The following KIF21B variants were observed in gnomAD, a reference collection of about 807,000 sequenced individuals.
KIF21B encodes kinesin-like protein KIF21B.
A neutral mutation model predicts 192.9 loss-of-function variants in KIF21B; 85 were observed. That is an observed-to-expected ratio of 0.44 (90% CI 0.37 to 0.53). The LOEUF (loss-of-function observed/expected upper bound fraction) is 0.53, where lower values mean the gene tolerates loss of function less well. Among genes scored for constraint, KIF21B ranks in the 20% least tolerant of loss-of-function variants. KIF21B has a pLI of 0.00. For missense variants in KIF21B, 1,716 were observed against 2,194.8 expected, an observed-to-expected ratio of 0.78 and a Z score of 4.36; for synonymous variants, 832 against 884.6, an observed-to-expected ratio of 0.94 and a Z score of 1.05.
At chr1:201,007,817 C>A (rs939611446) in intron 3 of KIF21B, among the ~76,000 whole-genome samples, 3 of 151,814 alleles carry the variant, frequency 2.0e-5, no homozygotes, top group African/African-American at 7.3e-5. Flanking sequence ...CATAGACACA[C>A]AAGACACAGA....
Position 201,008,807 on chromosome 1 carries a change from C to T in KIF21B, c.409G>A (p.Ala137Thr). Reference protein sequence around the residue: ...RKRRAQEQGVAGPEFKVSAQF... With the variant: ...RKRRAQEQGVTGPEFKVSAQF... ...GCGCTGACTTTGAACTCAGGTCCAG[C>T]CACGCCCTGCTCCTGTGCCCGGCGC... Residue 137 changes from alanine (A) to threonine (T), a missense_variant, in exon 3 of 35, where the codon GCT (alanine) becomes ACT (threonine). This residue lies in a region of KIF21B where 1,087 missense variants were observed against 1,316.6 expected (regional missense o/e 0.83). Coordinates refer to ENST00000461742, the MANE Select transcript of KIF21B (RefSeq NM_001252102.2). 8 of 1,604,804 alleles carry T rather than the reference C, an allele frequency of 5.0e-6. No individual in the cohort carries two copies. Among genetic ancestry groups the T allele is most frequent in the Non-Finnish European group, 5.9e-6 (7 of 1,179,808 alleles).
intron 3 of KIF21B, 131 bp from the exon 4 acceptor site, chr1:201,005,825 TC>T: frequency 1.1e-6 from 1 of 927,344 alleles, no homozygotes; most frequent in Non-Finnish European, 1.6e-6. Flanking sequence ...GGGTTTTGAA[TC>T]CCATGACCTT....
At chr1:201,018,483 C>T (rs2102482525) in intron 1 of KIF21B, among the ~76,000 whole-genome samples, 1 of 152,350 alleles carries the variant, frequency 6.6e-6, no homozygotes, top group African/African-American at 2.4e-5. Flanking sequence ...TGTGCCTTTC[C>T]ATTTTCACTT....
At chr1:200,992,438 G>A in intron 15 of KIF21B, 49 bp from the exon 16 acceptor site, 1 of 1,585,038 alleles carries the variant, frequency 6.3e-7, no homozygotes, top group Non-Finnish European at 8.6e-7. Flanking sequence ...GGAGGCAGGT[G>A]GCCCACACTC....
At chr1:200,989,748 C>T (rs1656553252) in intron 21 of KIF21B, among the ~76,000 whole-genome samples, 194 bp downstream of exon 21, 1 of 152,242 alleles carries the variant, frequency 6.6e-6, no homozygotes, top group African/African-American at 2.4e-5. Context: ...AGCCATGCAA[C>T]AAGCTACAAG....
Position 200,990,981 on chromosome 1 carries a change from G to C in KIF21B, c.2623C>G (p.Arg875Gly). The change falls in exon 18 of 35, where the codon CGC becomes GGC. Residue 875 changes from arginine (R) to glycine (G), a missense_variant. By Grantham distance (125) the Arg-to-Gly change is moderately radical (BLOSUM62 -2). This residue lies in a region of KIF21B where 1,087 missense variants were observed against 1,316.6 expected (regional missense o/e 0.83). Transcript: ENST00000461742. This position sits in a 1 kb window ranked among gnomAD's most constrained non-coding sequence, Gnocchi z 5.4. ...TCCCCCAAGAAGTGGTTGATTTTGC[G>C]GTTCCACTGGCGCACGATGCTGGAG... ...SVSSIVRQWN[R>G]KINHFLGDHP... The C allele has an allele frequency of 6.2e-7, 1 of 1,614,174 alleles. No homozygotes were observed. Among genetic ancestry groups the C allele is most frequent in the East Asian group, 2.2e-5 (1 of 44,890 alleles).
At position 200,972,466 on chromosome 1, in the gene KIF21B, G is replaced by A. The variant is rs141800771; in HGVS notation, c.*1055C>T. 945 of 152,442 alleles carry A rather than the reference G, an allele frequency of 6.2e-3. 12 individuals carry two copies. Among genetic ancestry groups the A allele is most frequent in the Non-Finnish European group, 5.2e-3 (351 of 68,042 alleles). 9.4% of individuals were successfully genotyped at this position (152,442 alleles called of 1,614,324 possible). On this transcript the variant is annotated 3_prime_UTR_variant, in exon 35 of 35. Transcript: ENST00000461742. ...ACGCAGGACTGTGGGGCAGAACCCC[G>A]GGGCCTGGGCTGTGGGGTGAGCGCC...
intron 1 of KIF21B, among the ~76,000 whole-genome samples, chr1:201,021,274 T>C (rs1658804040): frequency 6.6e-6 from 1 of 152,238 alleles, no homozygotes; most frequent in Non-Finnish European, 1.5e-5. Flanking sequence ...CATTGTCTGC[T>C]GTACACGGCC....
chr1:200,984,564 C>T (rs1446699248), intron 27 of KIF21B, among the ~76,000 whole-genome samples: 1 of 152,208 alleles, frequency 6.6e-6, no homozygotes, highest in African/African-American at 2.4e-5. Flanking sequence ...CTGGAGAGCC[C>T]TCAGGCACCG....
chr1:200,999,844 G>T lies in KIF21B; in HGVS notation c.1767+39C>A. The T allele has an allele frequency of 6.2e-7, 1 of 1,602,628 alleles. No individual in the cohort carries two copies. The highest frequency in any genetic ancestry group is 1.1e-5 in the South Asian group (1 of 90,910). On this transcript the variant is annotated intron_variant, in intron 12 of 34. Transcript: ENST00000461742. The surrounding 1 kb of genome is among the most constrained non-coding windows in gnomAD (Gnocchi z 4.7). ...CCGCCAACCCCAGCAGGGACACAAG[G>T]CATGCATGTGGTGAGGTGGGGCGGC...
At chr1:201,004,015 G>A (rs1003027935) in intron 7 of KIF21B, among the ~76,000 whole-genome samples, 1 of 152,210 alleles carries the variant, frequency 6.6e-6, no homozygotes, top group Non-Finnish European at 1.5e-5. Flanking sequence ...GGGAGGTGGT[G>A]ATGCATAATT....
Position 200,990,691 on chromosome 1 carries a change from C to T in KIF21B, c.2720G>A (p.Ser907Asn). ...KKFQKKGASQ[S>N]FSKAARLKWQ... ...CTTGAGCCTTGCCGCCTTACTGAAG[C>T]TCTGGCTGGCCCCCTTCTTCTGGAA... Residue 907 changes from serine to asparagine, a missense_variant, in exon 19 of 35, where the codon AGC (serine) becomes AAC (asparagine). This residue lies in a region of KIF21B where 1,087 missense variants were observed against 1,316.6 expected (regional missense o/e 0.83). Coordinates refer to ENST00000461742, the MANE Select transcript of KIF21B (RefSeq NM_001252102.2). This position sits in a 1 kb window ranked among gnomAD's most constrained non-coding sequence, Gnocchi z 5.4. The T allele has an allele frequency of 6.2e-7, 1 of 1,614,190 alleles. No individual in the cohort carries two copies. The highest frequency in any genetic ancestry group is 8.5e-7 in the Non-Finnish European group (1 of 1,180,036).
rs913689255 is a variant in KIF21B at position 200,988,886 on chromosome 1, C to T, written c.3178G>A (p.Gly1060Ser). Residue 1060 changes from glycine to serine, a missense_variant, in exon 22 of 35, where the codon GGC becomes AGC. Gly to Ser is a moderately conservative substitution (Grantham distance 56). Around this residue, in one of 3 missense-constraint regions of KIF21B, gnomAD observed 580 missense variants for 775.5 expected, o/e 0.75. Coordinates refer to ENST00000461742, the MANE Select transcript of KIF21B (RefSeq NM_001252102.2). The stretch of plus-strand genomic sequence containing the variant: ...GCCATATCCGTCTGCCTCAGTCGGC[C>T]CTCCAACAGCCGGATCTGGGCTTCC... The part of the protein sequence containing the change: ...QKEAQIRLLE[G>S]RLRQTDMAGS... 1.5e-5 allele frequency: 25 copies of T among 1,612,930 alleles called. No individual in the cohort carries two copies. The highest frequency in any genetic ancestry group is 2.1e-5 in the Non-Finnish European group (25 of 1,179,504).
Position 200,992,276 on chromosome 1 carries a change from C to A in KIF21B, c.2385+6G>T, listed in dbSNP as rs778148629. 9 of 1,610,330 alleles carry A rather than the reference C, an allele frequency of 5.6e-6. No individual in the cohort carries two copies. Among genetic ancestry groups the A allele is most frequent in the Non-Finnish European group, 7.6e-6 (9 of 1,179,696 alleles). ...GCTCCTGGGAGGCTCAAGGGCCACC[C>A]CTCACCTCCTGTCGCCGCTGCTCCT... On this transcript the variant is annotated splice_donor_region_variant and intron_variant, in intron 16 of 34. Transcript: ENST00000461742.
At position 200,971,840 on chromosome 1, in the gene KIF21B, C is replaced by T. The variant is rs1655228252; in HGVS notation, c.*1681G>A. On this transcript the variant is annotated 3_prime_UTR_variant, in exon 35 of 35. Transcript: ENST00000461742. Reference sequence around the variant, plus strand: ...GGCCTCACTCAGCCTCCACTGGAGCCTGCCTCCCCCCAACACTGGGCGCCA... The same window carrying T: ...GGCCTCACTCAGCCTCCACTGGAGCTTGCCTCCCCCCAACACTGGGCGCCA... 1 of 152,534 alleles carries T rather than the reference C, an allele frequency of 6.6e-6. No homozygotes were observed. Among genetic ancestry groups the T allele is most frequent in the Admixed American group, 6.5e-5 (1 of 15,288 alleles). The allele number at this position is 152,534 out of a possible 1,614,324, so 9.4% of individuals were successfully genotyped here. A position where few individuals can be genotyped will look rare whatever the true frequency, so the allele number is the denominator to read the frequency against.
chr1:201,003,109 G>C, intron 8 of KIF21B: 1 of 170,634 alleles, frequency 5.9e-6, no homozygotes, highest in Middle Eastern at 3.0e-3. Flanking sequence ...CATATAAAAG[G>C]CCCCTTTTTC....
At chr1:201,005,143 T>G (rs1391559925) in intron 5 of KIF21B, among the ~76,000 whole-genome samples, 165 bp downstream of exon 5, 1 of 152,262 alleles carries the variant, frequency 6.6e-6, no homozygotes, top group Non-Finnish European at 1.5e-5. Flanking sequence ...CATTAAGCCA[T>G]TTTACAAATT....
At position 200,996,216 on chromosome 1, in the gene KIF21B, C is replaced by T. The variant is rs752055582; in HGVS notation, c.2257G>A (p.Ala753Thr). 1 of 1,613,342 alleles carries T rather than the reference C, an allele frequency of 6.2e-7. No individual in the cohort carries two copies. Residue 753 changes from alanine (A) to threonine (T), a missense_variant, in exon 15 of 35, where the codon GCT becomes ACT. Coordinates refer to ENST00000461742, the MANE Select transcript of KIF21B (RefSeq NM_001252102.2). ...CCTACCTTGGCCTTCTTCATCTCAG[C>T]CACCTCGGCCTGTAGCTTCTTCAGC... Reference protein sequence around the residue: ...RELKKLQAEVAEMKKAKVALM... With the variant: ...RELKKLQAEVTEMKKAKVALM...
intron 1 of KIF21B, among the ~76,000 whole-genome samples, chr1:201,022,413 G>A (rs890926494): frequency 6.6e-6 from 1 of 152,178 alleles, no homozygotes; most frequent in African/African-American, 2.4e-5. Context: ...CTGCCGCCAA[G>A]ACACCCCTCT....
Sources: gnomAD v4.1 joint callset for allele counts (sites outside exome capture counted in the v4.1 genomes callset) on GRCh38, gnomAD v4.1.1 for gene constraint, gnomAD v4.1.1 regional missense constraint, Gnocchi (gnomAD v3.1) non-coding constraint, MANE v1.5 for transcripts, NCBI Gene and HGNC (gene_info 2026-07-23, HGNC 2026-07-21) for gene names.